MAGI2: variants seen among roughly 807,000 people sequenced by gnomAD.
The protein encoded by MAGI2 is membrane associated guanylate kinase, WW and PDZ domain containing 2.
Under a neutral mutation model 133.3 loss-of-function variants are expected in MAGI2, and 35 were observed. That is an observed-to-expected ratio of 0.26 (90% CI 0.20 to 0.35). MAGI2 has a LOEUF of 0.35. Among genes scored for constraint, MAGI2 ranks in the 10% least tolerant of loss-of-function variants. The pLI, the probability that MAGI2 is intolerant of heterozygous loss-of-function variation, is 1.00. For missense variants in MAGI2, 1,636 were observed against 1,863.4 expected (o/e 0.88, Z 2.25); for synonymous variants, 729 against 710.6 (o/e 1.03, Z -0.41).
At chr7:79,189,485 A>G (rs1176615182) in intron 1 of MAGI2, among the ~76,000 whole-genome samples, 1 of 151,528 alleles carries the variant, frequency 6.6e-6, no homozygotes, top group Non-Finnish European at 1.5e-5. Context: ...TATTTTTTAG[A>G]GTAGTTTATG....
intron 1 of MAGI2, among the ~76,000 whole-genome samples, chr7:79,024,856 C>A (rs1233762569): frequency 6.6e-6 from 1 of 151,532 alleles, no homozygotes; most frequent in African/African-American, 2.4e-5. Flanking sequence ...AAAAAAAACA[C>A]ATGCTGGCGA....
chr7:78,056,471 T>C (rs1812579381), intron 21 of MAGI2, among the ~76,000 whole-genome samples: 1 of 152,192 alleles, frequency 6.6e-6, no homozygotes, highest in Non-Finnish European at 1.5e-5. Flanking sequence ...ATATGTACCA[T>C]GGAATACTAT....
In MAGI2 at chr7:78,734,025, A is replaced by G. The variant is rs367557526; in HGVS notation, c.419-106786T>C. On this transcript the variant is annotated intron_variant, in intron 2 of 21. Coordinates refer to ENST00000354212, the MANE Select transcript of MAGI2 (RefSeq NM_012301.4). ...TAAAATGCATAATCGTAAACATAAC[A>G]ACTATATGGATTGAACCTATTTTCC... Among the ~76,000 whole-genome samples, 15 of 152,352 alleles carry G rather than the reference A, an allele frequency of 9.8e-5. No individual in the cohort carries two copies. In the East Asian group the frequency reaches 2.9e-3, roughly 29 times the overall value.
At chr7:79,338,594 G>T (rs1165186623) in intron 1 of MAGI2, among the ~76,000 whole-genome samples, 1 of 152,062 alleles carries the variant, frequency 6.6e-6, no homozygotes, top group Non-Finnish European at 1.5e-5. Flanking sequence ...GCTTCTGGGG[G>T]TTCTGTGAGT....
intron 6 of MAGI2, among the ~76,000 whole-genome samples, chr7:78,436,712 G>C (rs969247888): frequency 1.1e-4 from 17 of 152,012 alleles, no homozygotes; most frequent in Non-Finnish European, 2.1e-4. Context: ...CTCCACTCAC[G>C]GACCCTCTCT....
chr7:78,507,621 T>A (rs1259677583), intron 4 of MAGI2, among the ~76,000 whole-genome samples: 1 of 152,130 alleles, frequency 6.6e-6, no homozygotes, highest in Non-Finnish European at 1.5e-5. Context: ...AGTACTACAA[T>A]AATGATTTGT....
At chr7:79,044,093 C>G (rs1392856682) in intron 1 of MAGI2, among the ~76,000 whole-genome samples, 6 of 152,074 alleles carry the variant, frequency 3.9e-5, no homozygotes, top group Non-Finnish European at 8.8e-5. Flanking sequence ...AAGCCTCATT[C>G]TAACATAAAA....
At chr7:79,291,232 C>G (rs1836458126) in intron 1 of MAGI2, among the ~76,000 whole-genome samples, 1 of 151,856 alleles carries the variant, frequency 6.6e-6, no homozygotes, top group Non-Finnish European at 1.5e-5. Flanking sequence ...GTATGTTGTA[C>G]TATATATCAG....
chr7:78,900,160 C>T (rs1013946664), intron 2 of MAGI2, among the ~76,000 whole-genome samples: 1 of 152,180 alleles, frequency 6.6e-6, no homozygotes, highest in African/African-American at 2.4e-5. Context: ...CTGCCACTCA[C>T]GTCCAAACCA....
chr7:78,799,587 G>A (rs1453951632), intron 2 of MAGI2, among the ~76,000 whole-genome samples: 1 of 152,132 alleles, frequency 6.6e-6, no homozygotes, highest in Non-Finnish European at 1.5e-5. Flanking sequence ...ACCCTCTTCT[G>A]TGTGAGCTGC....
Position 78,028,832 on chromosome 7 carries a change from G to C in MAGI2, c.3707-8856C>G, listed in dbSNP as rs1197266793. On this transcript the variant is annotated intron_variant, in intron 21 of 21. Coordinates refer to ENST00000354212, the MANE Select transcript of MAGI2 (RefSeq NM_012301.4). ...CCACTGCACTCCAGCCTGGGCAACA[G>C]AGCAAGACTCCATCTCAAAAAAAAA... Among the ~76,000 whole-genome samples, 3 of 124,318 alleles carry C rather than the reference G, an allele frequency of 2.4e-5. No individual in the cohort carries two copies. In the East Asian group the frequency reaches 7.3e-4, roughly 30 times the overall value. 81.6% of individuals were successfully genotyped at this position (124,318 alleles called of 152,430 possible). A position where few individuals can be genotyped will look rare whatever the true frequency, so the allele number is the denominator to read the frequency against.
intron 6 of MAGI2, 62 bp downstream of exon 6, chr7:78,489,699 T>C: frequency 7.8e-7 from 1 of 1,284,224 alleles, no homozygotes; most frequent in Non-Finnish European, 1.1e-6. Context: ...AGACTCTCAT[T>C]TAAGAAACAC....
Position 78,400,434 on chromosome 7 carries a change from TA to T in MAGI2, c.1046-31222del, listed in dbSNP as rs1241943513. Among the ~76,000 whole-genome samples, 168 of 152,314 alleles carry T rather than the reference TA, an allele frequency of 1.1e-3. 2 individuals are homozygous for T. Among genetic ancestry groups the T allele is most frequent in the Non-Finnish European group, 3.8e-4 (26 of 68,022 alleles). On this transcript the variant is annotated intron_variant, in intron 6 of 21. Coordinates refer to ENST00000354212, the MANE Select transcript of MAGI2 (RefSeq NM_012301.4). ...ATTGTCAATCTTAATTAACTAAAAT[TA>T]GTTATTTAGTGTACAGATCTGATTT...
At chr7:79,007,580 A>G (rs1457762823) in intron 1 of MAGI2, among the ~76,000 whole-genome samples, 1 of 152,044 alleles carries the variant, frequency 6.6e-6, no homozygotes, top group Non-Finnish European at 1.5e-5. Context: ...TCCTACCCCA[A>G]ATCCTGGAAA....
intron 1 of MAGI2, among the ~76,000 whole-genome samples, chr7:79,093,522 C>G (rs1272641380): frequency 6.6e-6 from 1 of 152,042 alleles, no homozygotes; most frequent in Non-Finnish European, 1.5e-5. Flanking sequence ...AATGTACTTA[C>G]TTTAATTAGA....
chr7:78,091,267 G>A (rs1817180899), intron 20 of MAGI2, among the ~76,000 whole-genome samples: 1 of 152,024 alleles, frequency 6.6e-6, no homozygotes, highest in Non-Finnish European at 1.5e-5. Context: ...TCTTTGGGAG[G>A]TTTTTGGGTC....
At chr7:78,297,993 AAAG>A (rs1255086937) in intron 9 of MAGI2, among the ~76,000 whole-genome samples, 2 of 151,640 alleles carry the variant, frequency 1.3e-5, no homozygotes, top group Non-Finnish European at 1.5e-5. Context: ...AATTAAAAAA[AAAG>A]AATTGTCTGG....
intron 1 of MAGI2, among the ~76,000 whole-genome samples, chr7:79,181,290 C>A (rs1366469854): frequency 1.3e-5 from 2 of 152,000 alleles, no homozygotes; most frequent in Non-Finnish European, 2.9e-5. Context: ...GCCTGGGCAT[C>A]CAAGCATTTC....
chr7:78,622,122 C>G (rs946798959), intron 3 of MAGI2, among the ~76,000 whole-genome samples: 1 of 151,966 alleles, frequency 6.6e-6, no homozygotes, highest in Non-Finnish European at 1.5e-5. Flanking sequence ...GGAAGCATTT[C>G]AGATGAGCAA....
Sources: allele counts gnomAD v4.1 joint callset (sites outside exome capture counted in the v4.1 genomes callset), GRCh38; gene constraint gnomAD v4.1.1; transcripts MANE v1.5; gene names NCBI Gene and HGNC (gene_info 2026-07-23, HGNC 2026-07-21).